Variants in ABTB2 observed in about 807,000 individuals in gnomAD.
ABTB2 encodes the protein ankyrin repeat and BTB/POZ domain-containing protein 2.
ABTB2 carries 56 observed loss-of-function variants against 104.1 expected under a neutral mutation model. That is an observed-to-expected ratio of 0.54 (90% CI 0.43 to 0.67). ABTB2 has a LOEUF of 0.67. Among genes scored for constraint, ABTB2 ranks in the 30% least tolerant of loss-of-function variants. The pLI, the probability that ABTB2 is intolerant of heterozygous loss-of-function variation, is 0.00. For synonymous variants in ABTB2, 606 were observed against 608.2 expected (o/e 1.00, Z 0.05); for missense variants, 1,279 against 1,407.7 (o/e 0.91, Z 1.46).
chr11:34,258,795 T>C (rs184548966), intron 1 of ABTB2, among the ~76,000 whole-genome samples: 1 of 152,124 alleles, frequency 6.6e-6, no homozygotes, highest in Admixed American at 6.5e-5. Context: ...GAGACGGGGT[T>C]TCACCATGTT....
At chr11:34,172,218 C>G (rs1473801399) in intron 4 of ABTB2, among the ~76,000 whole-genome samples, 1 of 151,248 alleles carries the variant, frequency 6.6e-6, no homozygotes, top group African/African-American at 2.4e-5. Context: ...ACTAAAAATA[C>G]AAAACTACCC....
chr11:34,258,853 G>A (rs1324318705), intron 1 of ABTB2, among the ~76,000 whole-genome samples: 1 of 151,436 alleles, frequency 6.6e-6, no homozygotes, highest in African/African-American at 2.4e-5. Context: ...TACCTGCCTC[G>A]GCCTCCCAAA....
At chr11:34,159,468 A>C in intron 13 of ABTB2, 82 bp from the exon 14 acceptor site, 1 of 878,726 alleles carries the variant, frequency 1.1e-6, no homozygotes, top group Non-Finnish European at 1.9e-6. Flanking sequence ...CTGTCACCTG[A>C]CCGGCTACCA....
At chr11:34,261,827 C>A (rs1175175359) in intron 1 of ABTB2, among the ~76,000 whole-genome samples, 8 of 152,206 alleles carry the variant, frequency 5.3e-5, no homozygotes, top group Admixed American at 6.5e-5. Context: ...AAGCTGTATT[C>A]TTCTGGCTTT....
chr11:34,248,907 G>A (rs1391561870), intron 1 of ABTB2, among the ~76,000 whole-genome samples: 1 of 152,166 alleles, frequency 6.6e-6, no homozygotes, highest in Non-Finnish European at 1.5e-5. Flanking sequence ...AAGGCGGGCC[G>A]ATCACCTGAG....
chr11:34,257,781 G>T (rs1854141741), intron 1 of ABTB2, among the ~76,000 whole-genome samples: 1 of 151,798 alleles, frequency 6.6e-6, no homozygotes, highest in African/African-American at 2.4e-5. Context: ...GTAAAGATAG[G>T]GTCTTGCTAT....
intron 1 of ABTB2, among the ~76,000 whole-genome samples, chr11:34,272,706 CA>C (rs35638814): frequency 2.3e-3 from 93 of 41,064 alleles, no homozygotes; most frequent in South Asian, 4.6e-3. Flanking sequence ...GACTCCGTCT[CA>C]AAAAAAAAAA....
chr11:34,272,939 A>G (rs1854337234), intron 1 of ABTB2, among the ~76,000 whole-genome samples: 1 of 152,202 alleles, frequency 6.6e-6, no homozygotes, highest in African/African-American at 2.4e-5. Context: ...AGCAAATTAC[A>G]TAACTGCTCT....
chr11:34,173,987 T>C (rs1166562353), intron 3 of ABTB2, among the ~76,000 whole-genome samples: 1 of 152,176 alleles, frequency 6.6e-6, no homozygotes, highest in Non-Finnish European at 1.5e-5. Context: ...TGAGGTGGGC[T>C]GACACCACTT....
At chr11:34,279,054 C>A (rs923667061) in intron 1 of ABTB2, among the ~76,000 whole-genome samples, 1 of 152,176 alleles carries the variant, frequency 6.6e-6, no homozygotes, top group African/African-American at 2.4e-5. Flanking sequence ...ACAGGTGTTT[C>A]GTTTTCTTGC....
chr11:34,357,598 G>C lies in ABTB2; in HGVS notation c.-15C>G. The C allele has an allele frequency of 6.7e-7, 1 of 1,495,396 alleles. No homozygotes were observed. The highest frequency in any genetic ancestry group is 8.9e-7 in the Non-Finnish European group (1 of 1,121,228). 92.6% of individuals were successfully genotyped at this position (1,495,396 alleles called of 1,614,324 possible). ...GTCCCGGCCATGGGGAGCCTGCCGAGGGCGGCGTCGCCGAGCGAGGGGCAC... is the reference window on the plus strand; with the variant it reads ...GTCCCGGCCATGGGGAGCCTGCCGACGGCGGCGTCGCCGAGCGAGGGGCAC... On this transcript the variant is annotated 5_prime_UTR_variant, in exon 1 of 17. Coordinates refer to ENST00000435224, the MANE Select transcript of ABTB2 (RefSeq NM_145804.3).
At chr11:34,206,753 C>T (rs1181761457) in intron 1 of ABTB2, among the ~76,000 whole-genome samples, 2 of 152,192 alleles carry the variant, frequency 1.3e-5, no homozygotes, top group Non-Finnish European at 2.9e-5. Flanking sequence ...AGTGTGTTCT[C>T]TGACCGTTCT....
chr11:34,283,303 C>G (rs1439871674), intron 1 of ABTB2, among the ~76,000 whole-genome samples: 1 of 152,142 alleles, frequency 6.6e-6, no homozygotes, highest in Non-Finnish European at 1.5e-5. Context: ...ACAACCTCCA[C>G]CTCCTGGGTT....
Position 34,178,959 on chromosome 11 carries a change from C to T in ABTB2, c.1245-5652G>A, listed in dbSNP as rs947433918. On this transcript the variant is annotated intron_variant, in intron 3 of 16. Transcript: ENST00000435224. ...GGTGTGGTGGCACACACCTGTAGTCCAAGCTACTCAGGAGGCTGAGGCAGG... is the reference window on the plus strand; with the variant it reads ...GGTGTGGTGGCACACACCTGTAGTCTAAGCTACTCAGGAGGCTGAGGCAGG... Among the ~76,000 whole-genome samples, 5 of 151,480 alleles carry T rather than the reference C, an allele frequency of 3.3e-5. No individual in the cohort carries two copies. The South Asian group carries it at 1.0e-3, about 32-fold the overall frequency.
At chr11:34,285,402 A>G (rs879500302) in intron 1 of ABTB2, among the ~76,000 whole-genome samples, 7 of 152,162 alleles carry the variant, frequency 4.6e-5, no homozygotes, top group Middle Eastern at 3.2e-3. Flanking sequence ...CCAGAGGAAC[A>G]TGGCAATGCA....
intron 5 of ABTB2, among the ~76,000 whole-genome samples, chr11:34,169,635 G>A (rs576495506): frequency 3.9e-5 from 6 of 152,220 alleles, no homozygotes; most frequent in South Asian, 2.1e-4. Context: ...CACAAAGCCC[G>A]GGAACCTGTG....
intron 1 of ABTB2, among the ~76,000 whole-genome samples, chr11:34,342,495 G>C (rs778974501): frequency 4.6e-5 from 7 of 152,206 alleles, no homozygotes; most frequent in Non-Finnish European, 8.8e-5. Flanking sequence ...GAGGACTTCA[G>C]AGCTCAAAGA....
rs1854377211 is a variant in ABTB2, at chr11:34,275,946, GCCAT to G, written c.884-71260_884-71257del. Among the ~76,000 whole-genome samples the G allele has an allele frequency of 4.6e-5, 7 of 152,292 alleles. No homozygotes were observed. The South Asian group carries it at 1.5e-3, about 32-fold the overall frequency. On this transcript the variant is annotated intron_variant, in intron 1 of 16. Transcript: ENST00000435224. ...GTCGTCCTGGAAGTCACACAACAGG[GCCAT>G]TGCTAGACGGTAGAGAGGCTCCAAT... is the stretch of plus-strand genomic sequence containing the variant.
chr11:34,167,781 C>A lies in ABTB2; in HGVS notation c.1653+122G>T, dbSNP rs905824409. On this transcript the variant is annotated intron_variant, in intron 6 of 16. Transcript: ENST00000435224. ...AGTGGCCTCTGTGCATCTTGTCTTT[C>A]CGGTCTTTTGACACACATCTACTCA... 2.2e-5 allele frequency: 23 copies of A among 1,041,560 alleles called. No homozygotes were observed. The East Asian group carries it at 4.1e-4, about 19-fold the overall frequency. The allele number at this position is 1,041,560 out of a possible 1,614,324, so 64.5% of individuals were successfully genotyped here. A position where few individuals can be genotyped will look rare whatever the true frequency, so the allele number is the denominator to read the frequency against.
Sources: allele counts gnomAD v4.1 joint callset (sites outside exome capture counted in the v4.1 genomes callset), GRCh38; gene constraint gnomAD v4.1.1; transcripts MANE v1.5; gene names NCBI Gene and HGNC (gene_info 2026-07-23, HGNC 2026-07-21).